GRID2: variants seen among roughly 807,000 people sequenced by gnomAD.
The protein encoded by GRID2 is glutamate ionotropic receptor delta type subunit 2, also known as glutamate receptor ionotropic, delta-2.
A neutral mutation model predicts 114.8 loss-of-function variants in GRID2; 33 were observed. That is an observed-to-expected ratio of 0.29 (90% CI 0.22 to 0.38). GRID2 has a LOEUF of 0.38. Ranked by LOEUF, GRID2 falls within the 10% of genes least tolerant of loss-of-function variation. The pLI, the probability that GRID2 is intolerant of heterozygous loss-of-function variation, is 1.00. For synonymous variants in GRID2, 505 were observed against 449.9 expected (o/e 1.12, Z -1.55); for missense variants, 1,184 against 1,257.7 (o/e 0.94, Z 0.89).
rs1734184953 is a variant in GRID2, at chr4:93,772,454, G to A, written c.2980G>A (p.Gly994Arg). 1.2e-6 allele frequency: 2 copies of A among 1,610,352 alleles called. No homozygotes were observed. Among genetic ancestry groups the A allele is most frequent in the East Asian group, 4.5e-5 (2 of 44,824 alleles). ...SIPYQPTPTL[G>R]LNLGNDPDRG... The stretch of plus-strand genomic sequence containing the variant: ...TCCTTATCAACCAACTCCTACCCTG[G>A]GGCTCAATCTGGGTAATGATCCAGA... Residue 994 changes from glycine (G) to arginine (R), a missense_variant, in exon 16 of 16, where the codon GGG becomes AGG. This residue lies in a region of GRID2 where 717 missense variants were observed against 796.9 expected (regional missense o/e 0.90). Coordinates refer to ENST00000282020, the MANE Select transcript of GRID2 (RefSeq NM_001510.4).
chr4:93,497,336 G>T (rs1219843752), intron 12 of GRID2, among the ~76,000 whole-genome samples: 1 of 151,498 alleles, frequency 6.6e-6, no homozygotes, highest in Non-Finnish European at 1.5e-5. Context: ...TCTTTATAGG[G>T]TTCATCATAG....
At chr4:93,593,265 T>G (rs377629515) in intron 13 of GRID2, among the ~76,000 whole-genome samples, 35 of 146,424 alleles carry the variant, frequency 2.4e-4, no homozygotes, top group African/African-American at 8.0e-4. Flanking sequence ...GACAAAATCT[T>G]TCAGCATTTG....
At chr4:93,216,941 C>A (rs767277237) in intron 6 of GRID2, 30 bp downstream of exon 6, 2 of 1,537,186 alleles carry the variant, frequency 1.3e-6, no homozygotes, top group Non-Finnish European at 1.8e-6. Flanking sequence ...ATATTTCTTC[C>A]AGGGTGCTTT....
rs1194347809 is a variant in GRID2, at chr4:92,686,315, AAAAT to A, written c.244+96036_244+96039del. ...AATATATCTTAATTGGTAATGACAA[AAAAT>A]AAATAATAATAAAATTTTAAATGCT... On this transcript the variant is annotated intron_variant, in intron 2 of 15. Transcript: ENST00000282020. 5.3e-5 allele frequency among the ~76,000 whole-genome samples: 8 copies of A among 152,218 alleles called. 1 individual carries two copies. The South Asian group carries it at 6.2e-4, about 12-fold the overall frequency.
intron 10 of GRID2, among the ~76,000 whole-genome samples, chr4:93,448,870 C>CCCTTCCCTTCCCTTCCCTT (rs1560629799): frequency 4.9e-5 from 1 of 20,284 alleles, no homozygotes; most frequent in African/African-American, 2.4e-4. Context: ...CCCTTCCCTT[C>CCCTTCCCTTCCCTTCCCTT]CCCTTCCCTT....
chr4:92,476,474 CTT>C (rs1722319550), intron 1 of GRID2, among the ~76,000 whole-genome samples: 2 of 152,110 alleles, frequency 1.3e-5, no homozygotes, highest in Admixed American at 1.3e-4. Flanking sequence ...GTTTATATAA[CTT>C]TTGTAAACCC....
At chr4:93,247,043 A>G (rs745349471) in intron 8 of GRID2, among the ~76,000 whole-genome samples, 23 of 152,176 alleles carry the variant, frequency 1.5e-4, no homozygotes, top group Non-Finnish European at 2.9e-4. Flanking sequence ...GTTCTACCTC[A>G]GGTAAGCAGC....
At chr4:93,663,217 G>A (rs1235553754) in intron 14 of GRID2, among the ~76,000 whole-genome samples, 1 of 152,164 alleles carries the variant, frequency 6.6e-6, no homozygotes. Context: ...TCATCAATGA[G>A]AACTTCAAAT....
At chr4:93,799,588 T>G (rs1734882812) in intron 1 of GRID2, among the ~76,000 whole-genome samples, 1 of 152,172 alleles carries the variant, frequency 6.6e-6, no homozygotes, top group South Asian at 2.1e-4. Context: ...GGAAGCTAGC[T>G]AATAACTAAA....
At chr4:93,565,069 C>T (rs1735277156) in intron 13 of GRID2, among the ~76,000 whole-genome samples, 2 of 151,782 alleles carry the variant, frequency 1.3e-5, no homozygotes, top group Non-Finnish European at 2.9e-5. Context: ...ATTGAACTGT[C>T]AAATTAGCTT....
intron 2 of GRID2, among the ~76,000 whole-genome samples, chr4:92,946,015 G>T (rs1423127696): frequency 3.3e-5 from 5 of 152,026 alleles, no homozygotes; most frequent in Non-Finnish European, 5.9e-5. Flanking sequence ...ACTACCAATT[G>T]TTCTTTTAAT....
intron 2 of GRID2, among the ~76,000 whole-genome samples, chr4:93,017,537 C>G (rs1331212358): frequency 6.6e-6 from 1 of 151,890 alleles, no homozygotes; most frequent in Non-Finnish European, 1.5e-5. Flanking sequence ...TATATGGCCA[C>G]GCGCAGTGGC....
intron 14 of GRID2, among the ~76,000 whole-genome samples, chr4:93,765,610 AT>A (rs5860346): frequency 0.56 from 81,182 of 143,688 alleles, 23,305 homozygotes; most frequent in East Asian, 0.78. Flanking sequence ...GTGAGGTATT[AT>A]ATATATATAT....
chr4:92,599,032 T>C (rs1367862332), intron 2 of GRID2, among the ~76,000 whole-genome samples: 1 of 148,160 alleles, frequency 6.7e-6, no homozygotes, highest in African/African-American at 2.5e-5. Flanking sequence ...CTTTTCCTTT[T>C]TTTTTTTTTT....
chr4:92,725,117 A>T (rs1238870521), intron 2 of GRID2, among the ~76,000 whole-genome samples: 1 of 152,114 alleles, frequency 6.6e-6, no homozygotes, highest in Admixed American at 6.6e-5. Context: ...TCTGGGCAAC[A>T]TGGCGAAACC....
At chr4:93,388,414 T>C (rs535935628) in intron 8 of GRID2, among the ~76,000 whole-genome samples, 2 of 152,260 alleles carry the variant, frequency 1.3e-5, no homozygotes, top group African/African-American at 4.8e-5. Flanking sequence ...TGTCGGGATC[T>C]TTTTTTATAA....
chr4:93,048,480 C>T (rs536997534), intron 2 of GRID2, among the ~76,000 whole-genome samples: 5 of 152,014 alleles, frequency 3.3e-5, no homozygotes, highest in South Asian at 2.1e-4. Flanking sequence ...AACAAACTTC[C>T]GTCTGTGGCA....
chr4:93,766,247 G>C (rs1233460822), intron 14 of GRID2, among the ~76,000 whole-genome samples: 1 of 152,198 alleles, frequency 6.6e-6, no homozygotes, highest in Non-Finnish European at 1.5e-5. Flanking sequence ...AGACTGGGTA[G>C]TTTATAAAGA....
At chr4:93,283,346 T>C (rs960686596) in intron 8 of GRID2, among the ~76,000 whole-genome samples, 7 of 152,204 alleles carry the variant, frequency 4.6e-5, no homozygotes, top group Admixed American at 2.0e-4. Flanking sequence ...GAAACTTGTT[T>C]TCTTTCTGGA....
Sources: gnomAD v4.1 joint callset for allele counts (sites outside exome capture counted in the v4.1 genomes callset) on GRCh38, gnomAD v4.1.1 for gene constraint, gnomAD v4.1.1 regional missense constraint, MANE v1.5 for transcripts, NCBI Gene and HGNC (gene_info 2026-07-23, HGNC 2026-07-21) for gene names.